Variants in CDH8 observed in about 807,000 individuals in gnomAD.
CDH8 encodes the protein cadherin-8.
Under a neutral mutation model 68.1 loss-of-function variants are expected in CDH8, and 17 were observed. That is an observed-to-expected ratio of 0.25 (90% CI 0.17 to 0.37). CDH8 has a LOEUF of 0.37. Ranked by LOEUF, CDH8 falls within the 10% of genes least tolerant of loss-of-function variation. The pLI is 1.00. For missense variants in CDH8, 763 were observed against 999.3 expected (o/e 0.76, Z 3.19); for synonymous variants, 372 against 365.1 (o/e 1.02, Z -0.21).
intron 10 of CDH8, among the ~76,000 whole-genome samples, chr16:61,698,504 C>G (rs180721952): frequency 3.3e-4 from 50 of 152,294 alleles, no homozygotes; most frequent in African/African-American, 1.1e-3. Flanking sequence ...ACCATGCCTT[C>G]CCCAGTTCCT....
intron 10 of CDH8, among the ~76,000 whole-genome samples, chr16:61,662,853 C>T (rs937795498): frequency 9.2e-5 from 14 of 151,874 alleles, no homozygotes; most frequent in African/African-American, 3.4e-4. Flanking sequence ...CCAGTCTATA[C>T]CAATAAGCAA....
intron 5 of CDH8, among the ~76,000 whole-genome samples, chr16:61,822,682 T>C (rs1185387036): frequency 2.0e-5 from 3 of 151,964 alleles, no homozygotes; most frequent in Admixed American, 6.6e-5. Flanking sequence ...AAATCCTCAC[T>C]GCAAGCGAAG....
At position 61,712,816 on chromosome 16, in the gene CDH8, G is replaced by A. The variant is rs138009637; in HGVS notation, c.1654+1025C>T. Among the ~76,000 whole-genome samples the A allele has an allele frequency of 9.8e-3, 1,479 of 151,630 alleles. 7 individuals are homozygous for A. The highest frequency in any genetic ancestry group is 0.015 in the Non-Finnish European group (1,017 of 67,616). ...TATCAAAGCGTCCCCACAGAACTAT[G>A]TAGCATTTTGTTCAAAGGCAAGGCC... On this transcript the variant is annotated intron_variant, in intron 10 of 11. Transcript: ENST00000577390.
chr16:62,024,570 C>T (rs1300918597), intron 1 of CDH8, among the ~76,000 whole-genome samples: 1 of 152,126 alleles, frequency 6.6e-6, no homozygotes, highest in African/African-American at 2.4e-5. Context: ...TTCCCTCTAC[C>T]TGAACTCACC....
At chr16:61,810,452 A>G (rs1961914936) in intron 7 of CDH8, among the ~76,000 whole-genome samples, 1 of 151,372 alleles carries the variant, frequency 6.6e-6, no homozygotes, top group African/African-American at 2.4e-5. Context: ...TTTCTATCCA[A>G]ATAATTTCTT....
chr16:61,970,610 C>G (rs777358435), intron 2 of CDH8, among the ~76,000 whole-genome samples: 5 of 152,232 alleles, frequency 3.3e-5, no homozygotes, highest in Non-Finnish European at 7.3e-5. Context: ...ACACAGAACG[C>G]TTCTGTGACC....
intron 3 of CDH8, among the ~76,000 whole-genome samples, chr16:61,865,190 C>T (rs76961811): frequency 0.025 from 3,774 of 152,058 alleles, 72 homozygotes; most frequent in Non-Finnish European, 0.039. Context: ...TGGACAGCAC[C>T]GAAATGTATC....
At chr16:61,731,109 A>G (rs1191794228) in intron 8 of CDH8, among the ~76,000 whole-genome samples, 2 of 151,624 alleles carry the variant, frequency 1.3e-5, no homozygotes, top group East Asian at 3.9e-4. Flanking sequence ...TTGAGAGTGA[A>G]AGAGAAAAGC....
chr16:62,034,303 C>T (rs552166939), intron 1 of CDH8, among the ~76,000 whole-genome samples: 17 of 152,188 alleles, frequency 1.1e-4, no homozygotes, highest in Middle Eastern at 3.4e-3. Flanking sequence ...TTAGCATGAA[C>T]GACAGGGCTC....
intron 7 of CDH8, among the ~76,000 whole-genome samples, chr16:61,798,100 AC>A (rs1284481154): frequency 1.3e-5 from 2 of 152,240 alleles, no homozygotes; most frequent in East Asian, 1.9e-4. Context: ...TTTACATAAT[AC>A]TTTTGAAAAA....
At chr16:62,035,082 C>T (rs1902421591) in intron 1 of CDH8, 1 of 152,284 alleles carries the variant, frequency 6.6e-6, no homozygotes, top group Admixed American at 6.6e-5. Context: ...ATTGTGGATA[C>T]CTGTTGGCAT....
intron 8 of CDH8, among the ~76,000 whole-genome samples, chr16:61,778,908 A>T (rs1389353114): frequency 6.6e-6 from 1 of 152,160 alleles, no homozygotes; most frequent in African/African-American, 2.4e-5. Flanking sequence ...ACTGGGCCCC[A>T]TGCTAGGAAA....
chr16:61,903,965 A>T (rs2143282488), intron 2 of CDH8, among the ~76,000 whole-genome samples: 1 of 152,312 alleles, frequency 6.6e-6, no homozygotes, highest in South Asian at 2.1e-4. Flanking sequence ...AAAAAAAAAA[A>T]AATGAGGTAT....
chr16:61,713,815 C>T, intron 10 of CDH8, 26 bp downstream of exon 10: 1 of 1,162,408 alleles, frequency 8.6e-7, no homozygotes, highest in Non-Finnish European at 1.3e-6. Context: ...ATATTGTACT[C>T]TGTTTCACAA....
intron 2 of CDH8, among the ~76,000 whole-genome samples, chr16:61,921,033 T>G (rs1220975282): frequency 6.8e-6 from 1 of 146,408 alleles, no homozygotes; most frequent in Non-Finnish European, 1.5e-5. Context: ...ATATTCTCAC[T>G]CGTAGGTGGG....
At chr16:61,688,706 C>T (rs763872090) in intron 10 of CDH8, among the ~76,000 whole-genome samples, 47 of 151,830 alleles carry the variant, frequency 3.1e-4, no homozygotes, top group Non-Finnish European at 5.3e-4. Context: ...CAAGGGATGT[C>T]GTCTACTGAG....
intron 2 of CDH8, among the ~76,000 whole-genome samples, chr16:62,007,899 C>T (rs1279869903): frequency 1.3e-5 from 2 of 152,048 alleles, no homozygotes; most frequent in Non-Finnish European, 1.5e-5. Context: ...AAATCTCTTA[C>T]TTTCTGTATG....
chr16:61,787,892 G>A (rs910075280), intron 8 of CDH8, among the ~76,000 whole-genome samples: 5 of 123,898 alleles, frequency 4.0e-5, no homozygotes, highest in Non-Finnish European at 1.6e-5. Flanking sequence ...ATTGAACAAT[G>A]AGATCACATG....
At chr16:61,852,535 T>TAGC (rs1165618536) in intron 4 of CDH8, among the ~76,000 whole-genome samples, 2 of 152,106 alleles carry the variant, frequency 1.3e-5, no homozygotes, top group African/African-American at 2.4e-5. Flanking sequence ...AATACTAGAA[T>TAGC]AGCATTGTGT....
Sources: allele counts gnomAD v4.1 joint callset (sites outside exome capture counted in the v4.1 genomes callset), GRCh38; gene constraint gnomAD v4.1.1; transcripts MANE v1.5; gene names NCBI Gene and HGNC (gene_info 2026-07-23, HGNC 2026-07-21).